Variants in AGFG2 observed in about 807,000 individuals in gnomAD.
AGFG2 encodes arf-GAP domain and FG repeat-containing protein 2.
Under a neutral mutation model 48.0 loss-of-function variants are expected in AGFG2, and 31 were observed. That is an observed-to-expected ratio of 0.65 (90% CI 0.49 to 0.87). The LOEUF is 0.87. Among genes scored for constraint, AGFG2 ranks in the 40% least tolerant of loss-of-function variants. The probability of loss-of-function intolerance (pLI) is 0.00; values close to 1 mark genes in which losing one functional copy is unlikely to be tolerated. For synonymous variants in AGFG2, 229 were observed against 260.8 expected, an observed-to-expected ratio of 0.88 and a Z score of 1.18; for missense variants, 599 against 632.6, an observed-to-expected ratio of 0.95 and a Z score of 0.57.
intron 1 of AGFG2, among the ~76,000 whole-genome samples, chr7:100,540,800 T>A (rs1252082042): frequency 6.6e-6 from 1 of 151,894 alleles, no homozygotes; most frequent in Non-Finnish European, 1.5e-5. Flanking sequence ...GATCATGAGG[T>A]CAAGAGATCG....
chr7:100,549,009 G>T, intron 2 of AGFG2, 94 bp downstream of exon 2: 5 of 1,035,532 alleles, frequency 4.8e-6, no homozygotes, highest in South Asian at 2.8e-5. Context: ...TTTTATTTTT[G>T]GTTGAGTTTC....
chr7:100,542,623 C>T (rs1338629601), intron 1 of AGFG2, among the ~76,000 whole-genome samples: 2 of 152,130 alleles, frequency 1.3e-5, no homozygotes, highest in Non-Finnish European at 2.9e-5. Flanking sequence ...ACCTGTGTCC[C>T]TTTGATATGC....
intron 11 of AGFG2, 64 bp downstream of exon 11, chr7:100,564,367 C>T: frequency 6.6e-7 from 1 of 1,519,422 alleles, no homozygotes; most frequent in Non-Finnish European, 9.0e-7. Flanking sequence ...ACAATCCTTC[C>T]AGAAGAGGCT....
chr7:100,543,221 C>T (rs763585730), intron 1 of AGFG2, among the ~76,000 whole-genome samples: 27 of 152,242 alleles, frequency 1.8e-4, no homozygotes, highest in Middle Eastern at 3.4e-3. Flanking sequence ...CACACCACCA[C>T]GCCCAGCTAA....
chr7:100,563,366 TCTCCC>T (rs1024214147), intron 9 of AGFG2, among the ~76,000 whole-genome samples: 1 of 152,042 alleles, frequency 6.6e-6, no homozygotes, highest in Non-Finnish European at 1.5e-5. Flanking sequence ...CCTCTGCTGC[TCTCCC>T]CTCAGACTCA....
intron 11 of AGFG2, 27 bp downstream of exon 11, chr7:100,564,330 G>A: frequency 5.0e-6 from 8 of 1,600,382 alleles, no homozygotes; most frequent in South Asian, 1.1e-5. Flanking sequence ...GGGTGCTGTG[G>A]TAGGGCTCGT....
In AGFG2 at chr7:100,567,398, A is replaced by T. The variant is rs1801035588; in HGVS notation, c.*2407A>T. ...GGGCTAGAGTGACTCACCTGGGCTC[A>T]CACCAACTTCTGGCCAATGCAGGGA... On this transcript the variant is annotated 3_prime_UTR_variant, in exon 12 of 12. Coordinates refer to ENST00000300176, the MANE Select transcript of AGFG2 (RefSeq NM_006076.5). 1 of 152,866 alleles carries T rather than the reference A, an allele frequency of 6.5e-6. No individual in the cohort carries two copies. Among genetic ancestry groups the T allele is most frequent in the African/African-American group, 2.4e-5 (1 of 41,474 alleles). 9.5% of individuals were successfully genotyped at this position (152,866 alleles called of 1,614,324 possible).
chr7:100,539,586 G>C lies in AGFG2; in HGVS notation c.221+19G>C. On this transcript the variant is annotated intron_variant, in intron 1 of 11. Transcript: ENST00000300176. ...GCCTCCTGTGAGTGACCGGGAGGGA[G>C]TGGCCGAGGTCGGCGTGGGGGGACC... The C allele has an allele frequency of 1.6e-6, 2 of 1,246,172 alleles. No individual in the cohort carries two copies. The highest frequency in any genetic ancestry group is 2.0e-6 in the Non-Finnish European group (2 of 988,662). 77.2% of individuals were successfully genotyped at this position (1,246,172 alleles called of 1,614,324 possible).
chr7:100,555,822 C>G, intron 6 of AGFG2, 87 bp downstream of exon 6: 2 of 1,539,618 alleles, frequency 1.3e-6, no homozygotes, highest in Admixed American at 1.8e-5. Flanking sequence ...CCTCACTATC[C>G]TAAAGAACTG....
intron 6 of AGFG2, among the ~76,000 whole-genome samples, chr7:100,560,762 G>A (rs974593700): frequency 1.1e-4 from 16 of 151,756 alleles, no homozygotes; most frequent in Non-Finnish European, 1.8e-4. Context: ...TTTAGGGCCC[G>A]GGTCGCTGTT....
Position 100,548,821 on chromosome 7 carries a change from G to T in AGFG2, c.222-1G>T. The T allele has an allele frequency of 6.2e-7, 1 of 1,610,620 alleles. No individual in the cohort carries two copies. The highest frequency in any genetic ancestry group is 1.1e-5 in the South Asian group (1 of 91,006). ...TCTTTCTTCCTGTTTCTCTCCCATA[G>T]GAGAGGGCTGAACCCCCCTCATCGT... On this transcript the variant is annotated splice_acceptor_variant, in intron 1 of 11. Coordinates refer to ENST00000300176, the MANE Select transcript of AGFG2 (RefSeq NM_006076.5). LOFTEE classifies it high-confidence loss of function.
intron 9 of AGFG2, among the ~76,000 whole-genome samples, 199 bp downstream of exon 9, chr7:100,563,145 G>A (rs1800916577): frequency 6.6e-6 from 1 of 152,226 alleles, no homozygotes; most frequent in Non-Finnish European, 1.5e-5. Flanking sequence ...CACACAGGTG[G>A]CTACTTACCG....
Position 100,562,776 on chromosome 7 carries a change from G to T in AGFG2, c.1088-87G>T. On this transcript the variant is annotated intron_variant, in intron 8 of 11. Coordinates refer to ENST00000300176, the MANE Select transcript of AGFG2 (RefSeq NM_006076.5). This position sits in a 1 kb window ranked among gnomAD's most constrained non-coding sequence, Gnocchi z 5.4. ...GGGTGGGAAGGGGAGAGATTGAGAG[G>T]AATGCTCAGGCATCACAGGATGAAG... is the stretch of plus-strand genomic sequence containing the variant. 1 of 1,593,930 alleles carries T rather than the reference G, an allele frequency of 6.3e-7. No homozygotes were observed. The highest frequency in any genetic ancestry group is 1.3e-5 in the African/African-American group (1 of 74,726).
At chr7:100,549,736 A>G (rs1433769172) in intron 2 of AGFG2, among the ~76,000 whole-genome samples, 2 of 152,058 alleles carry the variant, frequency 1.3e-5, no homozygotes, top group African/African-American at 4.8e-5. Flanking sequence ...TCTGTCACCC[A>G]GGCTGGAGCT....
intron 9 of AGFG2, among the ~76,000 whole-genome samples, chr7:100,563,245 A>C (rs1429408572): frequency 6.6e-6 from 1 of 152,192 alleles, no homozygotes; most frequent in African/African-American, 2.4e-5. Context: ...TTGGGCACCC[A>C]GCCCCAGTCC....
intron 11 of AGFG2, 152 bp downstream of exon 11, chr7:100,564,455 C>T (rs541063610): frequency 5.4e-6 from 4 of 739,086 alleles, no homozygotes; most frequent in African/African-American, 1.8e-5. Flanking sequence ...GGCCTCAGCT[C>T]TTCTGGGCAC....
intron 3 of AGFG2, 112 bp from the exon 4 acceptor site, chr7:100,553,235 A>G: frequency 7.6e-7 from 1 of 1,319,858 alleles, no homozygotes. Context: ...AAAGGGAATC[A>G]GTAGAGAAAA....
In AGFG2 at chr7:100,562,618, C is replaced by A. The variant is rs772079935; in HGVS notation, c.1023C>A (p.Val341=). The A allele has an allele frequency of 1.9e-6, 3 of 1,612,488 alleles. No individual in the cohort carries two copies. Among genetic ancestry groups the A allele is most frequent in the Non-Finnish European group, 8.5e-7 (1 of 1,179,946 alleles). Residue 341 remains valine (V), a synonymous_variant, in exon 8 of 12, where the codon GTC becomes GTA. Coordinates refer to ENST00000300176, the MANE Select transcript of AGFG2 (RefSeq NM_006076.5). The surrounding 1 kb of genome is among the most constrained non-coding windows in gnomAD (Gnocchi z 5.4). ...GCCTCTTCGGGATGGCTGGCCAGGTCCCCCCGCTCCAGTCTGTCACGATGG... is the reference window on the plus strand; with the variant it reads ...GCCTCTTCGGGATGGCTGGCCAGGTACCCCCGCTCCAGTCTGTCACGATGG... ...PSSLFGMAGQ[V]PPLQSVTMGG... is the part of the protein sequence containing the mutation.
chr7:100,559,900 ATG>A (rs2131120975), intron 6 of AGFG2, among the ~76,000 whole-genome samples: 1 of 151,976 alleles, frequency 6.6e-6, no homozygotes, highest in East Asian at 1.9e-4. Context: ...CTTTGTGAGA[ATG>A]CACCCTCTGT....
Sources: gnomAD v4.1 joint callset for allele counts (sites outside exome capture counted in the v4.1 genomes callset) on GRCh38, gnomAD v4.1.1 for gene constraint, Gnocchi (gnomAD v3.1) non-coding constraint, MANE v1.5 for transcripts, NCBI Gene and HGNC (gene_info 2026-07-23, HGNC 2026-07-21) for gene names.